Variants in CCDC18 observed in about 807,000 individuals in gnomAD.
The protein encoded by CCDC18 is coiled-coil domain-containing protein 18.
CCDC18 carries 157 observed loss-of-function variants against 196.0 expected under a neutral mutation model. The observed-to-expected ratio is 0.80, with a 90% CI of 0.70 to 0.91. The LOEUF (loss-of-function observed/expected upper bound fraction) is 0.91. Ranked by LOEUF, CCDC18 falls within the 40% of genes least tolerant of loss-of-function variation. The pLI is 0.00. For missense variants in CCDC18, 1,465 were observed against 1,611.6 expected (o/e 0.91, Z 1.56); for synonymous variants, 482 against 529.2 (o/e 0.91, Z 1.22).
chr1:93,222,562 C>T (rs1313710480), intron 16 of CCDC18, among the ~76,000 whole-genome samples: 2 of 152,102 alleles, frequency 1.3e-5, no homozygotes, highest in Non-Finnish European at 2.9e-5. Flanking sequence ...GCTAGTATAT[C>T]TTCATGGTTA....
chr1:93,239,196 T>G lies in CCDC18; in HGVS notation c.2604-114T>G, dbSNP rs770337396. ...AAAATAGGTGATTTAAAATTCCAAC[T>G]AGATATTTTGCTGATATTTGTCCTT... On this transcript the variant is annotated intron_variant, in intron 19 of 28. Coordinates refer to ENST00000690025, the MANE Select transcript of CCDC18 (RefSeq NM_001378204.1). The G allele has an allele frequency of 1.9e-4, 140 of 735,754 alleles. 2 individuals are homozygous for G. Among genetic ancestry groups the G allele is most frequent in the Non-Finnish European group, 3.6e-5 (17 of 468,080 alleles). 45.6% of individuals were successfully genotyped at this position (735,754 alleles called of 1,614,324 possible).
Position 93,217,794 on chromosome 1 carries a change from A to T in CCDC18, c.1887A>T (p.Lys629Asn). ...CCAATATTAATACAGAGCATGAGAA[A>T]ATTTGTTTAGCCTTTGAAAAAGCAA... Reference protein sequence around the residue: ...LETNINTEHEKICLAFEKAKK... With the variant: ...LETNINTEHENICLAFEKAKK... Residue 629 changes from lysine to asparagine, a missense_variant, in exon 14 of 29, where the codon AAA (lysine) becomes AAT (asparagine). By Grantham distance (94) the Lys-to-Asn change is moderately conservative. Coordinates refer to ENST00000690025, the MANE Select transcript of CCDC18 (RefSeq NM_001378204.1). The T allele has an allele frequency of 6.2e-7, 1 of 1,610,758 alleles. No individual in the cohort carries two copies. Among genetic ancestry groups the T allele is most frequent in the Non-Finnish European group, 8.5e-7 (1 of 1,177,028 alleles).
chr1:93,247,775 A>AT (rs1233731896), intron 23 of CCDC18, among the ~76,000 whole-genome samples: 1 of 152,028 alleles, frequency 6.6e-6, no homozygotes, highest in Non-Finnish European at 1.5e-5. Context: ...ATACAAGATT[A>AT]TATCCTCTGC....
chr1:93,207,259 A>T lies in CCDC18; in HGVS notation c.1070A>T (p.Lys357Ile). 1 of 1,613,774 alleles carries T rather than the reference A, an allele frequency of 6.2e-7. No homozygotes were observed. Among genetic ancestry groups the T allele is most frequent in the Non-Finnish European group, 8.5e-7 (1 of 1,179,786 alleles). ...AACAAAGACGAAATACTTAGAGACA[A>T]ATTTTCTTTAATGAATGAAAACCGA... ...LENKDEILRD[K>I]FSLMNENREL... Residue 357 changes from lysine (K) to isoleucine (I), a missense_variant, in exon 9 of 29, where the codon AAA becomes ATA. Coordinates refer to ENST00000690025, the MANE Select transcript of CCDC18 (RefSeq NM_001378204.1).
At chr1:93,259,028 T>C in intron 26 of CCDC18, 143 bp downstream of exon 26, 1 of 675,522 alleles carries the variant, frequency 1.5e-6, no homozygotes, top group Non-Finnish European at 2.2e-6. Flanking sequence ...ACATACAGCT[T>C]TCACTTTAAT....
intron 6 of CCDC18, among the ~76,000 whole-genome samples, chr1:93,195,913 A>G (rs1652644445): frequency 6.6e-6 from 1 of 152,216 alleles, no homozygotes; most frequent in Non-Finnish European, 1.5e-5. Context: ...CTTTTCAAGG[A>G]CTATTGGGTG....
rs1372357466 is a variant in CCDC18, at chr1:93,240,035, G to C, written c.2981+139G>C. 4.7e-6 allele frequency: 3 copies of C among 632,174 alleles called. No individual in the cohort carries two copies. The Admixed American group carries it at 9.0e-5, about 19-fold the overall frequency. 39.2% of individuals were successfully genotyped at this position (632,174 alleles called of 1,614,324 possible). On this transcript the variant is annotated intron_variant, in intron 21 of 28. Transcript: ENST00000690025. ...GCTCATCCCAGCCAGCCTATCCCATGCCTTATCTAACTAATTCAGCTGTCT... is the reference window on the plus strand; with the variant it reads ...GCTCATCCCAGCCAGCCTATCCCATCCCTTATCTAACTAATTCAGCTGTCT...
chr1:93,180,639 G>C (rs1469084701), upstream of CCDC18: 1 of 1,334,328 alleles, frequency 7.5e-7, no homozygotes, highest in Non-Finnish European at 9.9e-7. Flanking sequence ...TCCCCGGCAA[G>C]CCCCGCGCCT....
intron 1 of CCDC18, among the ~76,000 whole-genome samples, chr1:93,182,726 T>C (rs1649946211): frequency 6.6e-6 from 1 of 152,098 alleles, no homozygotes; most frequent in Non-Finnish European, 1.5e-5. Flanking sequence ...TTTTGATCCC[T>C]GTGGTTGTGA....
chr1:93,224,972 T>C (rs1658052470), intron 16 of CCDC18, among the ~76,000 whole-genome samples: 1 of 152,258 alleles, frequency 6.6e-6, no homozygotes, highest in Admixed American at 6.5e-5. Context: ...TTTTTAGCTG[T>C]TAATGATTTC....
chr1:93,212,083 T>C lies in CCDC18; in HGVS notation c.1335-18T>C, dbSNP rs1413170139. On this transcript the variant is annotated intron_variant, in intron 10 of 28. Coordinates refer to ENST00000690025, the MANE Select transcript of CCDC18 (RefSeq NM_001378204.1). ...AGAATCTTTCTAATAATTTTTCCCT[T>C]CTTTTCTTTTGTGCCAGAATTAAGC... The C allele has an allele frequency of 7.6e-6, 12 of 1,584,882 alleles. No homozygotes were observed. In the South Asian group the frequency reaches 1.1e-4, roughly 14 times the overall value.
chr1:93,234,938 T>A (rs1378341038), intron 18 of CCDC18, among the ~76,000 whole-genome samples: 1 of 141,088 alleles, frequency 7.1e-6, no homozygotes, highest in South Asian at 2.2e-4. Flanking sequence ...CAGCTAAGAG[T>A]GTGTGTGTGT....
rs1234395668 is a variant in CCDC18, at chr1:93,264,833, A to C, written c.3817A>C (p.Asn1273His). The C allele has an allele frequency of 1.1e-5, 17 of 1,613,698 alleles. No homozygotes were observed. Among genetic ancestry groups the C allele is most frequent in the Non-Finnish European group, 1.4e-5 (17 of 1,179,708 alleles). ...ELEEAQDTVSNLHQQVQDRNE... is the reference protein window; with the variant it reads ...ELEEAQDTVSHLHQQVQDRNE... ...AGAAGAAGCTCAGGATACTGTAAGC[A>C]ATTTGCATCAACAAGTCCAAGATAG... The change falls in exon 27 of 29, where the codon AAT becomes CAT. Residue 1273 changes from asparagine (N) to histidine (H), a missense_variant. By Grantham distance (68) the Asn-to-His change is moderately conservative. Transcript: ENST00000690025.
Position 93,205,524 on chromosome 1 carries a change from A to G in CCDC18, c.810A>G (p.Glu270=), listed in dbSNP as rs374977757. 3.2e-4 allele frequency: 501 copies of G among 1,589,014 alleles called. No homozygotes were observed. Among genetic ancestry groups the G allele is most frequent in the Non-Finnish European group, 4.1e-4 (473 of 1,166,576 alleles). Residue 270 remains glutamate, a synonymous_variant, in exon 8 of 29, where the codon GAA becomes GAG. Coordinates refer to ENST00000690025, the MANE Select transcript of CCDC18 (RefSeq NM_001378204.1). ...TATTGTTTTAGGTTCAAGCTGAAGAAGAAATATTAGAGAGAAATCTAACTA... is the reference window on the plus strand; with the variant it reads ...TATTGTTTTAGGTTCAAGCTGAAGAGGAAATATTAGAGAGAAATCTAACTA... The part of the protein sequence containing the change: ...AEKLEKVQAE[E]EILERNLTNC...
chr1:93,213,031 A>G (rs992456999), intron 11 of CCDC18, among the ~76,000 whole-genome samples: 1 of 152,150 alleles, frequency 6.6e-6, no homozygotes, highest in Non-Finnish European at 1.5e-5. Context: ...GCGCATGTGC[A>G]GTTCATAATA....
At position 93,239,673 on chromosome 1, in the gene CCDC18, C is replaced by A. The variant is rs946990162; in HGVS notation, c.2768-10C>A. ...CATATAGTTATAAAATTATTCTCTC[C>A]TCTTAATAGTAAAGGAGTTAGAAAA... On this transcript the variant is annotated splice_polypyrimidine_tract_variant and intron_variant, in intron 20 of 28. Transcript: ENST00000690025. The A allele has an allele frequency of 4.5e-6, 7 of 1,570,520 alleles. No individual in the cohort carries two copies. Among genetic ancestry groups the A allele is most frequent in the Non-Finnish European group, 6.1e-6 (7 of 1,146,104 alleles).
chr1:93,231,788 C>T (rs1014187831), intron 17 of CCDC18, among the ~76,000 whole-genome samples: 2 of 152,060 alleles, frequency 1.3e-5, no homozygotes, highest in African/African-American at 4.8e-5. Context: ...CATAAATATT[C>T]AGCAGTGCTT....
intron 14 of CCDC18, among the ~76,000 whole-genome samples, chr1:93,220,138 C>T (rs530561710): frequency 3.2e-4 from 48 of 151,988 alleles, no homozygotes; most frequent in African/African-American, 1.1e-3. Context: ...TTGAAAGCAC[C>T]CAGAGATAAA....
chr1:93,263,158 T>TGATG (rs1348485035), intron 26 of CCDC18, among the ~76,000 whole-genome samples: 1 of 152,228 alleles, frequency 6.6e-6, no homozygotes, highest in Middle Eastern at 3.4e-3. Context: ...TCCAGGCTTG[T>TGATG]GATGGGAGAG....
Sources: allele counts gnomAD v4.1 joint callset (sites outside exome capture counted in the v4.1 genomes callset), GRCh38; gene constraint gnomAD v4.1.1; transcripts MANE v1.5; gene names NCBI Gene and HGNC (gene_info 2026-07-23, HGNC 2026-07-21).